DDR2: variants seen among roughly 807,000 people sequenced by gnomAD.
DDR2 encodes discoidin domain-containing receptor 2.
A neutral mutation model predicts 94.9 loss-of-function variants in DDR2; 27 were observed. The observed-to-expected ratio is 0.28, with a 90% CI of 0.21 to 0.39. The LOEUF is 0.39. Among genes scored for constraint, DDR2 ranks in the 10% least tolerant of loss-of-function variants. The probability of loss-of-function intolerance (pLI) is 1.00; values close to 1 mark genes in which losing one functional copy is unlikely to be tolerated. For synonymous variants in DDR2, 382 were observed against 377.2 expected (o/e 1.01, Z -0.15); for missense variants, 783 against 1,076.0 (o/e 0.73, Z 3.81).
At chr1:162,678,987 G>A (rs1248098814) in intron 2 of DDR2, among the ~76,000 whole-genome samples, 1 of 151,972 alleles carries the variant, frequency 6.6e-6, no homozygotes, top group East Asian at 1.9e-4. Context: ...TTATATTTTT[G>A]ACAGTGTGGT....
intron 2 of DDR2, among the ~76,000 whole-genome samples, chr1:162,684,602 T>C (rs1382935966): frequency 6.6e-6 from 1 of 152,088 alleles, no homozygotes; most frequent in African/African-American, 2.4e-5. Context: ...GAGAAGTCTG[T>C]GAATAAGAGA....
intron 7 of DDR2, among the ~76,000 whole-genome samples, chr1:162,756,255 A>T (rs1194079175): frequency 1.3e-5 from 2 of 152,212 alleles, no homozygotes; most frequent in Admixed American, 6.5e-5. Flanking sequence ...CTAGGTTAAG[A>T]TGAGAATTGT....
At chr1:162,732,264 C>T (rs1010450304) in intron 3 of DDR2, among the ~76,000 whole-genome samples, 7 of 152,168 alleles carry the variant, frequency 4.6e-5, no homozygotes, top group African/African-American at 7.2e-5. Context: ...CTTTCTTGGC[C>T]CCCCTGTGGA....
At chr1:162,670,467 G>T (rs2101936460) in intron 2 of DDR2, among the ~76,000 whole-genome samples, 1 of 152,284 alleles carries the variant, frequency 6.6e-6, no homozygotes, top group Admixed American at 6.5e-5. Flanking sequence ...TACCTAGGAT[G>T]ATCTTCCTCA....
At chr1:162,713,963 A>G (rs1486087388) in intron 2 of DDR2, among the ~76,000 whole-genome samples, 1 of 152,188 alleles carries the variant, frequency 6.6e-6, no homozygotes, top group African/African-American at 2.4e-5. Flanking sequence ...TATTATTGCC[A>G]AAGTTTATAT....
intron 2 of DDR2, among the ~76,000 whole-genome samples, chr1:162,714,324 T>C (rs1661054328): frequency 6.6e-6 from 1 of 152,192 alleles, no homozygotes; most frequent in African/African-American, 2.4e-5. Context: ...TTGCTTTCCA[T>C]GTCTCATTTG....
chr1:162,646,275 C>T (rs978309018), intron 1 of DDR2, among the ~76,000 whole-genome samples: 3 of 152,166 alleles, frequency 2.0e-5, no homozygotes, highest in African/African-American at 4.8e-5. Context: ...TTGAGACAAA[C>T]TGCTTTAAAA....
Position 162,746,059 on chromosome 1 carries a change from C to T in DDR2, c.83-7036C>T, listed in dbSNP as rs190133964. On this transcript the variant is annotated intron_variant, in intron 3 of 17. Transcript: ENST00000367921. ...AGTCTACAGCTCCCAGTGTGAGCAA[C>T]GCAGAAGATGGGTGATTTCTGCATT... Among the ~76,000 whole-genome samples the T allele has an allele frequency of 3.5e-3, 537 of 152,282 alleles. 7 individuals carry two copies. Among genetic ancestry groups the T allele is most frequent in the Non-Finnish European group, 6.2e-3 (420 of 68,026 alleles).
At chr1:162,632,821 T>G (rs1326840174) in intron 1 of DDR2, among the ~76,000 whole-genome samples, 190 bp downstream of exon 1, 2 of 152,198 alleles carry the variant, frequency 1.3e-5, no homozygotes, top group East Asian at 3.9e-4. Context: ...TTTGGGGGTC[T>G]GGATTTATGC....
chr1:162,638,575 A>G (rs1194326306), intron 1 of DDR2, among the ~76,000 whole-genome samples: 1 of 152,180 alleles, frequency 6.6e-6, no homozygotes. Context: ...GGGCTTTGTA[A>G]AAGAAAATCG....
rs184321931 is a variant in DDR2 at position 162,751,436 on chromosome 1, A to G, written c.83-1659A>G. On this transcript the variant is annotated intron_variant, in intron 3 of 17. Transcript: ENST00000367921. The stretch of plus-strand genomic sequence containing the variant: ...GGTCATCAGAGAAATGCAAATCAAA[A>G]CCACAATGAGATACCATCTCACACC... Among the ~76,000 whole-genome samples, 536 of 152,342 alleles carry G rather than the reference A, an allele frequency of 3.5e-3. 7 individuals carry two copies. Among genetic ancestry groups the G allele is most frequent in the East Asian group, 0.035 (179 of 5,182 alleles).
rs774661665 is a variant in DDR2, at chr1:162,770,532, C to T, written c.1504+20C>T. 6.2e-7 allele frequency: 1 copy of T among 1,611,084 alleles called. No homozygotes were observed. Among genetic ancestry groups the T allele is most frequent in the Non-Finnish European group, 8.5e-7 (1 of 1,177,454 alleles). On this transcript the variant is annotated intron_variant, in intron 12 of 17. Coordinates refer to ENST00000367921, the MANE Select transcript of DDR2 (RefSeq NM_006182.4). ...AGTCAGGTGAGGATGATGTGGTGGG[C>T]AGGGTGTCAAGGGAGAAACCTCAGC...
intron 2 of DDR2, among the ~76,000 whole-genome samples, chr1:162,683,494 C>T (rs914621266): frequency 6.6e-6 from 1 of 152,108 alleles, no homozygotes; most frequent in African/African-American, 2.4e-5. Flanking sequence ...GATACAGGCT[C>T]AACAAGCTCA....
chr1:162,761,565 C>A, intron 9 of DDR2, 111 bp downstream of exon 9: 1 of 1,539,280 alleles, frequency 6.5e-7, no homozygotes. Context: ...ATTGTACAGG[C>A]AGCTTCTCAT....
Position 162,773,558 on chromosome 1 carries a change from T to A in DDR2, c.1818T>A (p.Ala606=), listed in dbSNP as rs561621240. The A allele has an allele frequency of 2.2e-5, 36 of 1,614,096 alleles. No individual in the cohort carries two copies. In the South Asian group the frequency reaches 3.4e-4, roughly 15 times the overall value. The change falls in exon 14 of 18, where the codon GCT becomes GCA. Residue 606 remains alanine, a synonymous_variant. Coordinates refer to ENST00000367921, the MANE Select transcript of DDR2 (RefSeq NM_006182.4). ...DVSANQPVLV[A]VKMLRADANK... ...GTGCCAACCAGCCTGTCCTGGTGGC[T>A]GTGAAAATGCTCCGAGCAGATGCCA...
intron 2 of DDR2, among the ~76,000 whole-genome samples, chr1:162,704,813 T>C (rs1214332052): frequency 6.6e-6 from 1 of 152,196 alleles, no homozygotes; most frequent in East Asian, 1.9e-4. Flanking sequence ...TATAGCACTA[T>C]CTGATAAGGC....
intron 3 of DDR2, among the ~76,000 whole-genome samples, chr1:162,748,649 G>A (rs1663014120): frequency 6.6e-6 from 1 of 152,222 alleles, no homozygotes; most frequent in African/African-American, 2.4e-5. Context: ...TCTGCACCAA[G>A]TGGACCTAAT....
intron 3 of DDR2, among the ~76,000 whole-genome samples, chr1:162,729,892 C>T (rs1279003399): frequency 6.6e-6 from 1 of 151,748 alleles, no homozygotes; most frequent in Admixed American, 6.6e-5. Flanking sequence ...TACAGGCATG[C>T]ACCACCACGC....
intron 1 of DDR2, among the ~76,000 whole-genome samples, chr1:162,642,727 G>A (rs1224068000): frequency 6.6e-6 from 1 of 152,076 alleles, no homozygotes; most frequent in Non-Finnish European, 1.5e-5. Context: ...CTTTCCTCAT[G>A]GGTGTGTTCA....
Sources: allele counts gnomAD v4.1 joint callset (sites outside exome capture counted in the v4.1 genomes callset), GRCh38; gene constraint gnomAD v4.1.1; transcripts MANE v1.5; gene names NCBI Gene and HGNC (gene_info 2026-07-23, HGNC 2026-07-21).